Variants in ERRFI1 observed in about 807,000 individuals in gnomAD.
ERRFI1 encodes the protein mitogen-inducible gene 6 protein.
ERRFI1 carries 12 observed loss-of-function variants against 14.6 expected under a neutral mutation model. The observed-to-expected ratio is 0.82, with a 90% CI of 0.53 to 1.33. The LOEUF is 1.33. Among genes scored for constraint, ERRFI1 ranks in the 40% most tolerant of loss-of-function variants. ERRFI1 has a pLI of 0.00. For synonymous variants in ERRFI1, 202 were observed against 209.9 expected (o/e 0.96, Z 0.32); for missense variants, 482 against 572.1 (o/e 0.84, Z 1.61).
intron 1 of ERRFI1, among the ~76,000 whole-genome samples, chr1:8,019,830 A>C (rs1002603653): frequency 6.6e-6 from 1 of 152,192 alleles, no homozygotes; most frequent in Non-Finnish European, 1.5e-5. Context: ...TCAGTGGTTA[A>C]CAGTGTAGCT....
At position 8,014,277 on chromosome 1, in the gene ERRFI1, C is replaced by T. The variant is rs775227332; in HGVS notation, c.322G>A (p.Glu108Lys). ...TTAAAACCACATACAACTTGATCCT[C>T]TTCATGTGGTCCCAAGTTTTCACTT... The part of the protein sequence containing the change: ...PPSENLGPHE[E>K]DQVVCGFKKL... Residue 108 changes from glutamate to lysine, a missense_variant, in exon 4 of 4, where the codon GAG (glutamate) becomes AAG (lysine). By Grantham distance (56) the Glu-to-Lys change is moderately conservative. Coordinates refer to ENST00000377482, the MANE Select transcript of ERRFI1 (RefSeq NM_018948.4). The T allele has an allele frequency of 6.2e-7, 1 of 1,614,172 alleles. No individual in the cohort carries two copies. Among genetic ancestry groups the T allele is most frequent in the African/African-American group, 1.3e-5 (1 of 75,042 alleles).
At chr1:8,016,993 C>G (rs1641184634) in intron 1 of ERRFI1, among the ~76,000 whole-genome samples, 1 of 151,368 alleles carries the variant, frequency 6.6e-6, no homozygotes, top group African/African-American at 2.4e-5. Flanking sequence ...AGGACAGAGG[C>G]TGTGTCTCAA....
chr1:8,016,228 T>A (rs1641171686), intron 1 of ERRFI1, among the ~76,000 whole-genome samples: 1 of 152,246 alleles, frequency 6.6e-6, no homozygotes, highest in Non-Finnish European at 1.5e-5. Context: ...GTCTAGCATT[T>A]ATCTGGATTT....
chr1:8,018,282 T>C (rs942009608), intron 1 of ERRFI1, among the ~76,000 whole-genome samples: 1 of 149,210 alleles, frequency 6.7e-6, no homozygotes, highest in Non-Finnish European at 1.5e-5. Context: ...AAAAAATGTT[T>C]CTCAGATTGT....
At chr1:8,025,510 C>A (rs1641332191) in intron 1 of ERRFI1, among the ~76,000 whole-genome samples, 1 of 152,170 alleles carries the variant, frequency 6.6e-6, no homozygotes, top group African/African-American at 2.4e-5. Context: ...TTACCATCGT[C>A]GCTGTGAGAT....
chr1:8,019,657 G>A (rs1641249232), intron 1 of ERRFI1, among the ~76,000 whole-genome samples: 1 of 152,228 alleles, frequency 6.6e-6, no homozygotes, highest in African/African-American at 2.4e-5. Context: ...GAGCTCAGGG[G>A]AGAAGCAGAT....
rs1450565080 is a variant in ERRFI1, at chr1:8,013,348, T to A, written c.1251A>T (p.Thr417=). 1 of 1,614,252 alleles carries A rather than the reference T, an allele frequency of 6.2e-7. No individual in the cohort carries two copies. The highest frequency in any genetic ancestry group is 8.5e-7 in the Non-Finnish European group (1 of 1,180,050). ...YEKFFREAEE[T]NGGAQIQPLP... ...ATGGCTGGATTTGGGCGCCTCCATTTGTTTCTTCTGCTTCCCTAAAAAATT... is the reference window on the plus strand; with the variant it reads ...ATGGCTGGATTTGGGCGCCTCCATTAGTTTCTTCTGCTTCCCTAAAAAATT... Residue 417 remains threonine (T), a synonymous_variant, in exon 4 of 4, where the codon ACA becomes ACT. Transcript: ENST00000377482. This position sits in a 1 kb window ranked among gnomAD's most constrained non-coding sequence, Gnocchi z 4.3.
chr1:8,021,435 T>C (rs1641272888), intron 1 of ERRFI1, among the ~76,000 whole-genome samples: 2 of 152,168 alleles, frequency 1.3e-5, no homozygotes, highest in Admixed American at 1.3e-4. Flanking sequence ...AGTAGCACAA[T>C]CAGTAACTAT....
intron 1 of ERRFI1, among the ~76,000 whole-genome samples, chr1:8,025,638 C>T (rs567180900): frequency 6.6e-6 from 1 of 152,298 alleles, no homozygotes; most frequent in South Asian, 2.1e-4. Context: ...GTGAACAAGA[C>T]AACGCAACCC....
chr1:8,013,850 T>A lies in ERRFI1; in HGVS notation c.749A>T (p.His250Leu), dbSNP rs201248332. Residue 250 changes from histidine to leucine, a missense_variant, in exon 4 of 4, where the codon CAT (histidine) becomes CTT (leucine). Physicochemically the swap from His to Leu is moderately conservative, Grantham distance 99 (BLOSUM62 -3). Transcript: ENST00000377482. The surrounding 1 kb of genome is among the most constrained non-coding windows in gnomAD (Gnocchi z 4.3). ...PQTHRRLRRS[H>L]SGPAGSFNKP... Reference sequence around the variant, plus strand: ...GTTAAAGGAGCCAGCTGGTCCCGAATGAGACCTTCTTAATCTTCGGTGGGT... The same window carrying A: ...GTTAAAGGAGCCAGCTGGTCCCGAAAGAGACCTTCTTAATCTTCGGTGGGT... 780 of 1,614,174 alleles carry A rather than the reference T, an allele frequency of 4.8e-4. 4 individuals carry two copies. The South Asian group carries it at 5.7e-3, about 12-fold the overall frequency.
At chr1:8,025,718 C>G (rs1307449888) in intron 1 of ERRFI1, among the ~76,000 whole-genome samples, 2 of 152,178 alleles carry the variant, frequency 1.3e-5, no homozygotes, top group African/African-American at 4.8e-5. Flanking sequence ...GCCGGGCAAC[C>G]CCGCGAGCGC....
intron 3 of ERRFI1, chr1:8,014,771 G>A (rs1209974321): frequency 1.3e-5 from 3 of 233,154 alleles, no homozygotes; most frequent in South Asian, 9.2e-5. Flanking sequence ...TACTAGGCAC[G>A]TAGGGTACCA....
rs192242808 is a variant in ERRFI1 at position 8,018,193 on chromosome 1, T to A, written c.-73-2501A>T. Among the ~76,000 whole-genome samples, 1,053 of 152,156 alleles carry A rather than the reference T, an allele frequency of 6.9e-3. 19 individuals are homozygous for A. The highest frequency in any genetic ancestry group is 4.9e-3 in the Non-Finnish European group (334 of 67,994). On this transcript the variant is annotated intron_variant, in intron 1 of 3. Transcript: ENST00000377482. ...CGAGGGGGGCAATATAACTGCCATG[T>A]TCTCTTCTTTTGGAAAATAACTTCA...
At chr1:8,023,500 T>C (rs1641301021) in intron 1 of ERRFI1, among the ~76,000 whole-genome samples, 1 of 152,116 alleles carries the variant, frequency 6.6e-6, no homozygotes, top group Non-Finnish European at 1.5e-5. Context: ...GTTGGTCTCA[T>C]ACTCTTGGGC....
intron 1 of ERRFI1, among the ~76,000 whole-genome samples, chr1:8,018,778 G>T (rs1387836638): frequency 6.6e-6 from 1 of 152,168 alleles, no homozygotes; most frequent in African/African-American, 2.4e-5. Context: ...GAAAAAAGAA[G>T]CCCTAAAATC....
At chr1:8,014,654 A>G (rs1641146095) in intron 3 of ERRFI1, 1 of 444,796 alleles carries the variant, frequency 2.2e-6, no homozygotes, top group Non-Finnish European at 4.0e-6. Flanking sequence ...ACACCCACAC[A>G]TCACAGGCAA....
Position 8,012,962 on chromosome 1 carries a change from C to A in ERRFI1, c.*248G>T. On this transcript the variant is annotated 3_prime_UTR_variant, in exon 4 of 4. Coordinates refer to ENST00000377482, the MANE Select transcript of ERRFI1 (RefSeq NM_018948.4). Reference sequence around the variant, plus strand: ...AATGTATGCATATATAAAAAGCTTCCCCATCCTCCCCTCCCCACCATCACA... The same window carrying A: ...AATGTATGCATATATAAAAAGCTTCACCATCCTCCCCTCCCCACCATCACA... 1 of 490,152 alleles carries A rather than the reference C, an allele frequency of 2.0e-6. No homozygotes were observed. The highest frequency in any genetic ancestry group is 3.6e-6 in the Non-Finnish European group (1 of 278,772). 30.4% of individuals were successfully genotyped at this position (490,152 alleles called of 1,614,324 possible). A position where few individuals can be genotyped will look rare whatever the true frequency, so the allele number is the denominator to read the frequency against.
Position 8,015,683 on chromosome 1 carries a change from C to T in ERRFI1, c.-64G>A. The T allele has an allele frequency of 6.3e-7, 1 of 1,599,596 alleles. No homozygotes were observed. Among genetic ancestry groups the T allele is most frequent in the Non-Finnish European group, 8.6e-7 (1 of 1,169,084 alleles). On this transcript the variant is annotated 5_prime_UTR_variant, in exon 2 of 4. Transcript: ENST00000377482. Reference sequence around the variant, plus strand: ...CAGGCACTTTAAAATCAACCAGTAGCTTTCATTCCCTGGGAGGTAGAAGAG... The same window carrying T: ...CAGGCACTTTAAAATCAACCAGTAGTTTTCATTCCCTGGGAGGTAGAAGAG...
rs1298249409 is a variant in ERRFI1, at chr1:8,013,120, C to T, written c.*90G>A. ...GAGTTCAACTATTTTATTTTGCAAT[C>T]TAAGGGATTTTTCTCTGCACTTCAA... is the stretch of plus-strand genomic sequence containing the variant. On this transcript the variant is annotated 3_prime_UTR_variant, in exon 4 of 4. Coordinates refer to ENST00000377482, the MANE Select transcript of ERRFI1 (RefSeq NM_018948.4). This position sits in a 1 kb window ranked among gnomAD's most constrained non-coding sequence, Gnocchi z 4.3. 7.0e-6 allele frequency: 8 copies of T among 1,136,596 alleles called. No homozygotes were observed. Among genetic ancestry groups the T allele is most frequent in the Non-Finnish European group, 1.0e-5 (8 of 798,218 alleles). 70.4% of individuals were successfully genotyped at this position (1,136,596 alleles called of 1,614,324 possible).
Sources: allele counts gnomAD v4.1 joint callset (sites outside exome capture counted in the v4.1 genomes callset), GRCh38; gene constraint gnomAD v4.1.1; non-coding constraint Gnocchi (gnomAD v3.1); transcripts MANE v1.5; gene names NCBI Gene and HGNC (gene_info 2026-07-23, HGNC 2026-07-21).